The following PCDH15 variants were observed in gnomAD, a reference collection of about 807,000 sequenced individuals.
The protein encoded by PCDH15 is protocadherin-15.
PCDH15 carries 129 observed loss-of-function variants against 178.5 expected under a neutral mutation model. That is an observed-to-expected ratio of 0.72 (90% CI 0.63 to 0.84). The LOEUF (loss-of-function observed/expected upper bound fraction) is 0.84, where lower values mean the gene tolerates loss of function less well. Ranked by LOEUF, PCDH15 falls within the 40% of genes least tolerant of loss-of-function variation. The probability of loss-of-function intolerance (pLI) is 0.00; values close to 1 mark genes in which losing one functional copy is unlikely to be tolerated. For synonymous variants in PCDH15, 800 were observed against 732.0 expected (o/e 1.09, Z -1.50); for missense variants, 2,230 against 2,099.9 (o/e 1.06, Z -1.21).
intron 2 of PCDH15, among the ~76,000 whole-genome samples, chr10:55,056,717 C>T (rs1841315987): frequency 6.6e-6 from 1 of 151,642 alleles, no homozygotes; most frequent in South Asian, 2.1e-4. Context: ...ACTGCAACCT[C>T]CACCTCCCAG....
intron 3 of PCDH15, among the ~76,000 whole-genome samples, chr10:54,492,866 T>C (rs1197632660): frequency 6.6e-6 from 1 of 152,138 alleles, no homozygotes; most frequent in African/African-American, 2.4e-5. Context: ...TACCTGAGAC[T>C]GGGCGATTCA....
chr10:55,563,193 A>ATTGTTT (rs1175474672), intron 2 of PCDH15, among the ~76,000 whole-genome samples: 1 of 151,864 alleles, frequency 6.6e-6, no homozygotes, highest in Non-Finnish European at 1.5e-5. Flanking sequence ...GGTGGTAGCC[A>ATTGTTT]TTGTTTTTGC....
chr10:54,505,497 A>C (rs951371846), intron 3 of PCDH15, among the ~76,000 whole-genome samples: 2 of 152,128 alleles, frequency 1.3e-5, no homozygotes, highest in African/African-American at 4.8e-5. Context: ...AATTCAAATA[A>C]CTTTCAACAG....
At chr10:54,663,463 C>T (rs889067093) in intron 2 of PCDH15, among the ~76,000 whole-genome samples, 2 of 148,128 alleles carry the variant, frequency 1.4e-5, no homozygotes, top group Admixed American at 6.8e-5. Flanking sequence ...TTATATATAT[C>T]CTAACTGTCA....
chr10:55,379,389 A>C (rs1455605764), intron 2 of PCDH15, among the ~76,000 whole-genome samples: 1 of 152,108 alleles, frequency 6.6e-6, no homozygotes, highest in Non-Finnish European at 1.5e-5. Flanking sequence ...GTGGAAAAAA[A>C]GCTGAATCAG....
chr10:54,626,743 C>T (rs2093563600), intron 2 of PCDH15, among the ~76,000 whole-genome samples: 1 of 152,126 alleles, frequency 6.6e-6, no homozygotes, highest in African/African-American at 2.4e-5. Context: ...TGGGGCACTG[C>T]CTAGTAGAGC....
At position 54,212,586 on chromosome 10, in the gene PCDH15, A is replaced by C. The variant is rs114888082; in HGVS notation, c.1098+1350T>G. Reference sequence around the variant, plus strand: ...AAATCTTCCCTGAGTTTCCAGATTAATTTAAATGTCCCTATTCTGTGTGTC... The same window carrying C: ...AAATCTTCCCTGAGTTTCCAGATTACTTTAAATGTCCCTATTCTGTGTGTC... On this transcript the variant is annotated intron_variant, in intron 10 of 37. Transcript: ENST00000644397. Among the ~76,000 whole-genome samples, 327 of 152,220 alleles carry C rather than the reference A, an allele frequency of 2.1e-3. 1 individual carries two copies. The highest frequency in any genetic ancestry group is 7.4e-3 in the African/African-American group (306 of 41,556).
At chr10:55,093,487 A>G (rs1018289331) in intron 2 of PCDH15, among the ~76,000 whole-genome samples, 23 of 152,036 alleles carry the variant, frequency 1.5e-4, no homozygotes, top group Non-Finnish European at 4.4e-5. Flanking sequence ...GTTGAATTAG[A>G]TCCCATTTGT....
At chr10:54,024,633 G>A (rs917031757) in intron 18 of PCDH15, among the ~76,000 whole-genome samples, 2 of 152,150 alleles carry the variant, frequency 1.3e-5, no homozygotes, top group African/African-American at 4.8e-5. Flanking sequence ...CTGCCCCTGG[G>A]AGTTTGACAT....
intron 8 of PCDH15, among the ~76,000 whole-genome samples, chr10:54,304,587 T>C (rs760405083): frequency 5.9e-5 from 9 of 152,070 alleles, no homozygotes; most frequent in Non-Finnish European, 1.3e-4. Flanking sequence ...TGTACTTTGG[T>C]AAGCCATACA....
chr10:54,766,784 C>A (rs917516590), intron 1 of PCDH15, among the ~76,000 whole-genome samples: 2 of 151,914 alleles, frequency 1.3e-5, no homozygotes, highest in Non-Finnish European at 2.9e-5. Flanking sequence ...AAAAAATTAG[C>A]CAGGCGCGGT....
intron 8 of PCDH15, among the ~76,000 whole-genome samples, chr10:54,237,715 A>T (rs552884103): frequency 6.6e-6 from 1 of 152,338 alleles, no homozygotes; most frequent in East Asian, 1.9e-4. Flanking sequence ...AAAACATTAC[A>T]AAAACAGGTG....
intron 2 of PCDH15, among the ~76,000 whole-genome samples, chr10:55,035,511 A>G (rs549219546): frequency 5.3e-5 from 8 of 152,272 alleles, no homozygotes; most frequent in Admixed American, 3.3e-4. Flanking sequence ...GTTCCCTCCA[A>G]TATGTTCATA....
intron 21 of PCDH15, among the ~76,000 whole-genome samples, chr10:53,982,814 G>C (rs1011873445): frequency 6.6e-6 from 1 of 150,624 alleles, no homozygotes; most frequent in Non-Finnish European, 1.5e-5. Context: ...AAAACTTAAA[G>C]TATAATAATA....
At chr10:54,206,603 T>A (rs1011499842) in intron 10 of PCDH15, among the ~76,000 whole-genome samples, 5 of 152,244 alleles carry the variant, frequency 3.3e-5, no homozygotes, top group South Asian at 2.1e-4. Flanking sequence ...CCAACCAGAA[T>A]AATGTATTTT....
intron 23 of PCDH15, among the ~76,000 whole-genome samples, chr10:53,957,497 T>TA (rs2087734350): frequency 9.8e-6 from 1 of 101,548 alleles, no homozygotes; most frequent in African/African-American, 3.4e-5. Context: ...AGCCTATATT[T>TA]ACTATGTTTT....
At chr10:53,945,460 GTACATTGTTGTCAAC>G (rs1217258873) in intron 23 of PCDH15, among the ~76,000 whole-genome samples, 2 of 79,732 alleles carry the variant, frequency 2.5e-5, no homozygotes, top group Non-Finnish European at 2.7e-5. Context: ...GTACAATATT[GTACATTGTTGTCAAC>G]TATGGTCACC....
intron 2 of PCDH15, among the ~76,000 whole-genome samples, chr10:54,663,741 T>G (rs2094527446): frequency 6.6e-6 from 1 of 151,326 alleles, no homozygotes; most frequent in African/African-American, 2.4e-5. Flanking sequence ...CCAGTTAAAG[T>G]GCCAACACCA....
chr10:55,070,447 A>G (rs1215637408), intron 2 of PCDH15, among the ~76,000 whole-genome samples: 1 of 152,130 alleles, frequency 6.6e-6, no homozygotes, highest in South Asian at 2.1e-4. Context: ...TCTTGAATTA[A>G]TTTTTGTATA....
Sources: gnomAD v4.1 joint callset for allele counts (sites outside exome capture counted in the v4.1 genomes callset) on GRCh38, gnomAD v4.1.1 for gene constraint, MANE v1.5 for transcripts, NCBI Gene and HGNC (gene_info 2026-07-23, HGNC 2026-07-21) for gene names.